FRRS1: variants seen among roughly 807,000 people sequenced by gnomAD.
The protein encoded by FRRS1 is ferric reductase 1.
Under a neutral mutation model 70.7 loss-of-function variants are expected in FRRS1, and 51 were observed. The observed-to-expected ratio is 0.72, with a 90% confidence interval of 0.58 to 0.91. FRRS1 has a LOEUF of 0.91. Ranked by LOEUF, FRRS1 falls within the 40% of genes least tolerant of loss-of-function variation. The probability of loss-of-function intolerance (pLI) is 0.00; values close to 1 mark genes in which losing one functional copy is unlikely to be tolerated. For missense variants in FRRS1, 672 were observed against 726.0 expected, an observed-to-expected ratio of 0.93 and a Z score of 0.86; for synonymous variants, 225 against 238.7, an observed-to-expected ratio of 0.94 and a Z score of 0.53.
chr1:99,705,087 G>A lies in FRRS1; in HGVS notation c.*3941C>T, dbSNP rs922832555. On this transcript the variant is annotated 3_prime_UTR_variant, in exon 17 of 17. Coordinates refer to ENST00000646001, the MANE Select transcript of FRRS1 (RefSeq NM_001361041.2). ...ATGGACAGCTAAACTAAAAGAGCAC[G>A]TGGTAACACATGCCCACTGGGGCTT... is the stretch of plus-strand genomic sequence containing the variant. Among the ~76,000 whole-genome samples the A allele has an allele frequency of 1.3e-5, 2 of 152,228 alleles. No homozygotes were observed. The highest frequency in any genetic ancestry group is 1.3e-4 in the Admixed American group (2 of 15,286).
Position 99,728,512 on chromosome 1 carries a change from T to G in FRRS1, c.987A>C (p.Ala329=). ...DLNTSYYIFL[A]DGAANDGRIY... ...ACTTACCATCATTAGCTGCACCATC[T>G]GCTAGAAATATGTAATAGCTTGTGT... Residue 329 remains alanine (A), a synonymous_variant, in exon 9 of 17, where the codon GCA becomes GCC. Transcript: ENST00000646001. 6.2e-7 allele frequency: 1 copy of G among 1,612,306 alleles called. No individual in the cohort carries two copies. Among genetic ancestry groups the G allele is most frequent in the Non-Finnish European group, 8.5e-7 (1 of 1,178,472 alleles).
At position 99,705,966 on chromosome 1, in the gene FRRS1, C is replaced by G. The variant is rs1654026588; in HGVS notation, c.*3062G>C. The stretch of plus-strand genomic sequence containing the variant: ...ATCAAAAGAAATAACTTTTGAAAAA[C>G]TTCCCAGAGTGTTTATTACAGAAAC... On this transcript the variant is annotated 3_prime_UTR_variant, in exon 17 of 17. Transcript: ENST00000646001. Among the ~76,000 whole-genome samples the G allele has an allele frequency of 6.6e-6, 1 of 152,090 alleles. No individual in the cohort carries two copies. The highest frequency in any genetic ancestry group is 2.1e-4 in the South Asian group (1 of 4,830).
intron 4 of FRRS1, among the ~76,000 whole-genome samples, chr1:99,745,548 G>T (rs35878017): frequency 0.037 from 5,613 of 152,188 alleles, 160 homozygotes; most frequent in South Asian, 0.17. Flanking sequence ...GCCATGCATG[G>T]TGGTGGGCGC....
intron 3 of FRRS1, chr1:99,747,753 G>A (rs559363364): frequency 6.0e-5 from 11 of 184,414 alleles, no homozygotes; most frequent in Non-Finnish European, 1.2e-4. Context: ...CTTATCACCT[G>A]AGTGATGAAA....
At chr1:99,758,827 C>T (rs2788518) in intron 1 of FRRS1, among the ~76,000 whole-genome samples, 2 of 151,580 alleles carry the variant, frequency 1.3e-5, no homozygotes, top group East Asian at 3.9e-4. Flanking sequence ...TATTAATACC[C>T]TGGGAAAGGA....
chr1:99,716,385 T>C (rs1408914821), intron 11 of FRRS1, among the ~76,000 whole-genome samples: 1 of 152,082 alleles, frequency 6.6e-6, no homozygotes, highest in Non-Finnish European at 1.5e-5. Context: ...AGTGGAGGAT[T>C]TGAGTTGATA....
chr1:99,717,302 A>T, intron 11 of FRRS1, 108 bp downstream of exon 11: 2 of 764,540 alleles, frequency 2.6e-6, no homozygotes, highest in Non-Finnish European at 2.3e-6. Context: ...TCCCAAACCT[A>T]CAACTGCAAC....
chr1:99,741,369 G>A (rs915362639), intron 5 of FRRS1, among the ~76,000 whole-genome samples: 2 of 152,172 alleles, frequency 1.3e-5, no homozygotes, highest in African/African-American at 4.8e-5. Context: ...CTTTCACTGG[G>A]GTCACACCCC....
chr1:99,740,694 C>A, intron 6 of FRRS1, 99 bp downstream of exon 6: 1 of 813,092 alleles, frequency 1.2e-6, no homozygotes, highest in Non-Finnish European at 2.1e-6. Context: ...CACTTTGTGA[C>A]TCCAAGGCAG....
intron 7 of FRRS1, among the ~76,000 whole-genome samples, chr1:99,732,875 G>A (rs1553172070): frequency 6.8e-6 from 1 of 146,068 alleles, no homozygotes; most frequent in Non-Finnish European, 1.5e-5. Flanking sequence ...GCAGGATCTT[G>A]TTCTGTCACC....
chr1:99,717,598 T>G (rs1419769798), intron 10 of FRRS1, 73 bp from the exon 11 acceptor site: 25 of 991,352 alleles, frequency 2.5e-5, no homozygotes. Context: ...CCAAGCCAAA[T>G]GCTCAGAAAA....
intron 7 of FRRS1, among the ~76,000 whole-genome samples, chr1:99,736,826 G>A: frequency 7.6e-6 from 1 of 131,308 alleles, no homozygotes; most frequent in African/African-American, 3.9e-5. Flanking sequence ...AAAAGAATTA[G>A]GACAATTAAA....
At chr1:99,764,385 A>AT (rs971367782) in intron 1 of FRRS1, among the ~76,000 whole-genome samples, 2 of 151,976 alleles carry the variant, frequency 1.3e-5, no homozygotes, top group African/African-American at 2.4e-5. Context: ...TATAATGTGC[A>AT]TTTTTTTTAA....
chr1:99,721,389 TAA>T (rs761285446), intron 9 of FRRS1, among the ~76,000 whole-genome samples: 37 of 65,634 alleles, frequency 5.6e-4, no homozygotes, highest in Admixed American at 7.9e-4. Context: ...TCCGTCTCAA[TAA>T]AAAAAAAAAA....
In FRRS1 at chr1:99,704,915, C is replaced by T. The variant is rs1349720187; in HGVS notation, c.*4113G>A. Among the ~76,000 whole-genome samples, 1 of 152,154 alleles carries T rather than the reference C, an allele frequency of 6.6e-6. No homozygotes were observed. Among genetic ancestry groups the T allele is most frequent in the Non-Finnish European group, 1.5e-5 (1 of 68,024 alleles). ...TGGCTCCCCCATCTGCTGAGAGCTA[C>T]TTCTACTCAGTAAAACCTTGCACTC... On this transcript the variant is annotated 3_prime_UTR_variant, in exon 17 of 17. Coordinates refer to ENST00000646001, the MANE Select transcript of FRRS1 (RefSeq NM_001361041.2).
chr1:99,722,998 C>T (rs1021789235), intron 9 of FRRS1, among the ~76,000 whole-genome samples: 1 of 152,068 alleles, frequency 6.6e-6, no homozygotes, highest in African/African-American at 2.4e-5. Context: ...TCCTATATGA[C>T]AATATATTTA....
At chr1:99,722,517 A>T (rs2100924758) in intron 9 of FRRS1, among the ~76,000 whole-genome samples, 1 of 152,360 alleles carries the variant, frequency 6.6e-6, no homozygotes, top group South Asian at 2.1e-4. Context: ...TATTAAGAGA[A>T]TAATAAAACA....
At chr1:99,748,421 C>T (rs1656397236) in intron 3 of FRRS1, 152 bp downstream of exon 3, 2 of 640,436 alleles carry the variant, frequency 3.1e-6, no homozygotes, top group Admixed American at 6.0e-5. Context: ...TTAAGTAATA[C>T]AGTCATCTGG....
Position 99,709,951 on chromosome 1 carries a change from G to A in FRRS1, c.1625-692C>T, listed in dbSNP as rs569440083. On this transcript the variant is annotated intron_variant, in intron 15 of 16. Transcript: ENST00000646001. ...CCACTGCACTCCAGCCTAAATGACA[G>A]AGTGAGACTCTGTCTCAAAACAAAC... Among the ~76,000 whole-genome samples the A allele has an allele frequency of 2.0e-5, 3 of 152,220 alleles. No homozygotes were observed. The South Asian group carries it at 6.2e-4, about 32-fold the overall frequency.
Sources: gnomAD v4.1 joint callset for allele counts (sites outside exome capture counted in the v4.1 genomes callset) on GRCh38, gnomAD v4.1.1 for gene constraint, MANE v1.5 for transcripts, NCBI Gene and HGNC (gene_info 2026-07-23, HGNC 2026-07-21) for gene names.